DNAAF9: variants seen among roughly 807,000 people sequenced by gnomAD.
DNAAF9 encodes shulin.
A neutral mutation model predicts 167.0 loss-of-function variants in DNAAF9; 90 were observed. The observed-to-expected ratio is 0.54, with a 90% CI of 0.45 to 0.64. The LOEUF (loss-of-function observed/expected upper bound fraction) is 0.64. DNAAF9 is among the 30% of genes least tolerant of loss of function. The pLI, the probability that DNAAF9 is intolerant of heterozygous loss-of-function variation, is 0.00. For synonymous variants in DNAAF9, 491 were observed against 508.8 expected, an observed-to-expected ratio of 0.96 and a Z score of 0.47; for missense variants, 1,315 against 1,442.2, an observed-to-expected ratio of 0.91 and a Z score of 1.43.
chr20:3,297,022 G>T, intron 22 of DNAAF9, 73 bp from the exon 23 acceptor site: 1 of 824,150 alleles, frequency 1.2e-6, no homozygotes, highest in Non-Finnish European at 2.0e-6. Flanking sequence ...ATGGGGATTT[G>T]ATGGTTGTTG....
intron 1 of DNAAF9, among the ~76,000 whole-genome samples, chr20:3,390,207 T>A (rs939509660): frequency 6.6e-6 from 1 of 152,128 alleles, no homozygotes; most frequent in Admixed American, 6.6e-5. Context: ...AAGGAAATAT[T>A]TAGAAGTGAA....
rs150327836 is a variant in DNAAF9 at position 3,279,881 on chromosome 20, C to G, written c.2613-932G>C. On this transcript the variant is annotated intron_variant, in intron 28 of 36. Transcript: ENST00000252032. The stretch of plus-strand genomic sequence containing the variant: ...AATTGGGATGCTAGCTGAAGCCACT[C>G]TTCTGAATGGCTGCTGGTCTAGCTG... Among the ~76,000 whole-genome samples the G allele has an allele frequency of 1.7e-3, 265 of 152,298 alleles. 1 individual carries two copies. The highest frequency in any genetic ancestry group is 2.9e-3 in the Admixed American group (44 of 15,300).
At position 3,381,358 on chromosome 20, in the gene DNAAF9, A is replaced by T. The variant is rs762276964; in HGVS notation, c.283+21T>A. The T allele has an allele frequency of 3.8e-6, 6 of 1,586,314 alleles. No homozygotes were observed. The South Asian group carries it at 6.7e-5, about 18-fold the overall frequency. On this transcript the variant is annotated intron_variant, in intron 3 of 36. Transcript: ENST00000252032. ...AACCTCTTACTCTTCTATCACACAG[A>T]GTTTACCAATATATACTTACCATCT... is the stretch of plus-strand genomic sequence containing the variant.
intron 32 of DNAAF9, 86 bp downstream of exon 32, chr20:3,259,836 A>G: frequency 1.2e-6 from 1 of 808,922 alleles, no homozygotes; most frequent in East Asian, 2.6e-5. Flanking sequence ...CATACAGCAC[A>G]TAGAATACTG....
intron 20 of DNAAF9, chr20:3,307,304 C>T (rs769026721): frequency 8.0e-5 from 16 of 199,282 alleles, no homozygotes; most frequent in Non-Finnish European, 1.3e-4. Flanking sequence ...TCAGTACTGT[C>T]CTGTGATCTG....
intron 30 of DNAAF9, among the ~76,000 whole-genome samples, chr20:3,267,663 T>A (rs2068513093): frequency 6.6e-6 from 1 of 152,062 alleles, no homozygotes; most frequent in African/African-American, 2.4e-5. Context: ...GGTGAAACCC[T>A]GCCACTACTA....
intron 1 of DNAAF9, among the ~76,000 whole-genome samples, chr20:3,406,753 C>T (rs1009664294): frequency 1.3e-5 from 2 of 152,142 alleles, no homozygotes; most frequent in African/African-American, 4.8e-5. Flanking sequence ...AGGCCTCTTT[C>T]CCCTATTTAT....
At position 3,407,479 on chromosome 20, in the gene DNAAF9, C is replaced by T; in HGVS notation, c.79G>A (p.Val27Ile). Reference protein sequence around the residue: ...PGGSSRGSPSVSCSRLRQVQS... With the variant: ...PGGSSRGSPSISCSRLRQVQS... ...GGCTGCCTCTGCCCCGCGTACCTGACGGAGGGTGACCCGCGGCTGGAGCCG... is the reference window on the plus strand; with the variant it reads ...GGCTGCCTCTGCCCCGCGTACCTGATGGAGGGTGACCCGCGGCTGGAGCCG... Residue 27 changes from valine (V) to isoleucine (I), a missense_variant, in exon 1 of 37, where the codon GTC becomes ATC. Physicochemically the swap from Val to Ile is conservative, Grantham distance 29. This residue lies in a region of DNAAF9 where 981 missense variants were observed against 1,012.5 expected (regional missense o/e 0.97). Coordinates refer to ENST00000252032, the MANE Select transcript of DNAAF9 (RefSeq NM_001009984.3). 7.6e-7 allele frequency: 1 copy of T among 1,309,636 alleles called. No homozygotes were observed. The allele number at this position is 1,309,636 out of a possible 1,614,324, so 81.1% of individuals were successfully genotyped here.
rs992497634 is a variant in DNAAF9, at chr20:3,252,626, A to G, written c.3480T>C (p.Tyr1160=). The change falls in exon 37 of 37, where the codon TAT becomes TAC. Residue 1160 remains tyrosine (Y), a synonymous_variant. Transcript: ENST00000252032. Reference sequence around the variant, plus strand: ...ACTCCTGCTGTTCCAGCTCCTGGTTATACTTCTCAATTTCCCGGTTGGCTT... The same window carrying G: ...ACTCCTGCTGTTCCAGCTCCTGGTTGTACTTCTCAATTTCCCGGTTGGCTT... The part of the protein sequence containing the change: ...VEEANREIEK[Y]NQELEQQEYH... 1 of 1,613,334 alleles carries G rather than the reference A, an allele frequency of 6.2e-7. No individual in the cohort carries two copies. The highest frequency in any genetic ancestry group is 1.3e-5 in the African/African-American group (1 of 75,012).
intron 20 of DNAAF9, chr20:3,307,143 G>A (rs2069313165): frequency 2.0e-6 from 2 of 984,874 alleles, no homozygotes; most frequent in Admixed American, 6.1e-5. Flanking sequence ...GGGAAAGGAT[G>A]AGCGAGGTCA....
chr20:3,378,282 C>G (rs6076513), intron 3 of DNAAF9, among the ~76,000 whole-genome samples: 1 of 152,306 alleles, frequency 6.6e-6, no homozygotes, highest in African/African-American at 2.4e-5. Flanking sequence ...TCATCTGGCT[C>G]TAAGGCAACT....
At chr20:3,293,086 A>AAAAAAGAC (rs2068991906) in intron 25 of DNAAF9, among the ~76,000 whole-genome samples, 1 of 151,378 alleles carries the variant, frequency 6.6e-6, no homozygotes. Context: ...ACTCAAAAAA[A>AAAAAAGAC]AAAAAGACCA....
At chr20:3,391,401 G>C (rs959842643) in intron 1 of DNAAF9, among the ~76,000 whole-genome samples, 2 of 151,668 alleles carry the variant, frequency 1.3e-5, no homozygotes, top group African/African-American at 2.4e-5. Context: ...TTAATATTTT[G>C]GCATATTTGC....
rs140317805 is a variant in DNAAF9 at position 3,252,784 on chromosome 20, A to C, written c.3422-100T>G. The C allele has an allele frequency of 8.5e-4, 633 of 747,418 alleles. 4 individuals are homozygous for C. In the African/African-American group the frequency reaches 9.6e-3, roughly 11 times the overall value. 46.3% of individuals were successfully genotyped at this position (747,418 alleles called of 1,614,324 possible). A position where few individuals can be genotyped will look rare whatever the true frequency, so the allele number is the denominator to read the frequency against. ...GGCAGGTGAGGGGGGTTTGCTGAGG[A>C]AGTGAGTGTCTGGCCCATAGAGAGG... is the stretch of plus-strand genomic sequence containing the variant. On this transcript the variant is annotated intron_variant, in intron 36 of 36. Transcript: ENST00000252032.
chr20:3,301,903 T>A (rs940205050), intron 21 of DNAAF9, among the ~76,000 whole-genome samples: 5 of 152,062 alleles, frequency 3.3e-5, no homozygotes, highest in African/African-American at 9.7e-5. Flanking sequence ...TTCCCAATTT[T>A]AAAAATTTGC....
chr20:3,406,714 G>T (rs116870161), intron 1 of DNAAF9, among the ~76,000 whole-genome samples: 1,811 of 152,280 alleles, frequency 0.012, 20 homozygotes, highest in Non-Finnish European at 0.017. Flanking sequence ...ACGGTAAGGG[G>T]CCTGGCGTCC....
At chr20:3,291,978 A>G (rs1329541075) in intron 25 of DNAAF9, among the ~76,000 whole-genome samples, 1 of 149,318 alleles carries the variant, frequency 6.7e-6, no homozygotes, top group Non-Finnish European at 1.5e-5. Context: ...ACATGTTTTT[A>G]CTTTAAGGCC....
chr20:3,337,164 C>T (rs760319610), intron 10 of DNAAF9, among the ~76,000 whole-genome samples: 10 of 152,062 alleles, frequency 6.6e-5, no homozygotes, highest in Non-Finnish European at 1.3e-4. Flanking sequence ...CAGGCGTGAG[C>T]CACCACGCCT....
intron 28 of DNAAF9, 138 bp downstream of exon 28, chr20:3,281,503 T>A (rs1568575418): frequency 4.5e-6 from 3 of 660,820 alleles, no homozygotes; most frequent in Non-Finnish European, 7.1e-6. Flanking sequence ...CAAAGGGGTC[T>A]ATTGAGGACC....
Sources: allele counts gnomAD v4.1 joint callset (sites outside exome capture counted in the v4.1 genomes callset), GRCh38; gene constraint gnomAD v4.1.1; regional missense constraint gnomAD v4.1.1; transcripts MANE v1.5; gene names NCBI Gene and HGNC (gene_info 2026-07-23, HGNC 2026-07-21).